Variants in KLF4 observed in about 807,000 individuals in gnomAD.
KLF4 encodes Krueppel-like factor 4.
Under a neutral mutation model 38.0 loss-of-function variants are expected in KLF4, and 14 were observed. The observed-to-expected ratio is 0.37, with a 90% confidence interval of 0.24 to 0.58. KLF4 has a LOEUF of 0.58. Ranked by LOEUF, KLF4 falls within the 20% of genes least tolerant of loss-of-function variation. The probability of loss-of-function intolerance (pLI) is 0.76; values close to 1 mark genes in which losing one functional copy is unlikely to be tolerated. For missense variants in KLF4, 737 were observed against 670.1 expected, an observed-to-expected ratio of 1.10 and a Z score of -1.10; for synonymous variants, 398 against 302.5, an observed-to-expected ratio of 1.32 and a Z score of -3.28.
Position 107,486,902 on chromosome 9 carries a change from G to T in KLF4, c.1264+126C>A. 1.9e-6 allele frequency: 3 copies of T among 1,561,462 alleles called. No homozygotes were observed. The South Asian group carries it at 3.7e-5, about 19-fold the overall frequency. The stretch of plus-strand genomic sequence containing the variant: ...TGGGAAGCCAAGGAGGCACTGAGGA[G>T]TGTCCACTGGTAGCCTATGGGGCTG... On this transcript the variant is annotated intron_variant, in intron 4 of 4. Transcript: ENST00000374672.
chr9:107,488,942 A>T lies in KLF4; in HGVS notation c.114T>A (p.Gly38=), dbSNP rs766906397. The T allele has an allele frequency of 6.4e-7, 1 of 1,556,988 alleles. No homozygotes were observed. Among genetic ancestry groups the T allele is most frequent in the South Asian group, 1.2e-5 (1 of 84,402 alleles). Residue 38 remains glycine, a synonymous_variant, in exon 2 of 5, where the codon GGT becomes GGA. Coordinates refer to ENST00000374672, the MANE Select transcript of KLF4 (RefSeq NM_004235.6). The surrounding 1 kb of genome is among the most constrained non-coding windows in gnomAD (Gnocchi z 5.7). ...GAGCGATACTCACGTTATTCGGGGC[A>T]CCTGCTTGACGCAGTGTCTTCTCCC... ...AGREKTLRQA[G]APNNRWREEL...
rs895565565 is a variant in KLF4, at chr9:107,485,980, C to A, written c.1265-54G>T. The A allele has an allele frequency of 6.5e-7, 1 of 1,549,238 alleles. No individual in the cohort carries two copies. Among genetic ancestry groups the A allele is most frequent in the African/African-American group, 1.4e-5 (1 of 71,824 alleles). ...ACGCTATTGCTATATCAAAGAATCG[C>A]CCCTTTTAAAAACTGAAGGCCAGAT... is the stretch of plus-strand genomic sequence containing the variant. On this transcript the variant is annotated intron_variant, in intron 4 of 4. Transcript: ENST00000374672. This position sits in a 1 kb window ranked among gnomAD's most constrained non-coding sequence, Gnocchi z 4.9.
Position 107,487,223 on chromosome 9 carries a change from T to A in KLF4, c.1100-31A>T. The A allele has an allele frequency of 6.2e-7, 1 of 1,609,378 alleles. No individual in the cohort carries two copies. Among genetic ancestry groups the A allele is most frequent in the Admixed American group, 1.7e-5 (1 of 59,760 alleles). ...GGTGAAGAAGGTGGGGTGAGCATCATCCCGTGTGTCCCGAAGTGGGGCCAG... is the reference window on the plus strand; with the variant it reads ...GGTGAAGAAGGTGGGGTGAGCATCAACCCGTGTGTCCCGAAGTGGGGCCAG... On this transcript the variant is annotated intron_variant, in intron 3 of 4. Transcript: ENST00000374672. This position sits in a 1 kb window ranked among gnomAD's most constrained non-coding sequence, Gnocchi z 6.1.
rs1416976960 is a variant in KLF4, at chr9:107,487,341, G to A, written c.1053C>T (p.Phe351=). 6.4e-7 allele frequency: 1 copy of A among 1,556,458 alleles called. No homozygotes were observed. Among genetic ancestry groups the A allele is most frequent in the East Asian group, 2.3e-5 (1 of 44,324 alleles). The change falls in exon 3 of 5, where the codon TTC becomes TTT. Residue 351 remains phenylalanine, a synonymous_variant. Transcript: ENST00000374672. The surrounding 1 kb of genome is among the most constrained non-coding windows in gnomAD (Gnocchi z 6.1). The part of the protein sequence containing the change: ...HPHPGPNYPS[F]LPDQMQPQVP... ...CTTGCGGCTGCATCTGATCGGGCAG[G>A]AAGGATGGGTAATTGGGCCCCGGGT...
In KLF4 at chr9:107,488,227, G is replaced by A; in HGVS notation, c.167C>T (p.Pro56Leu). 1 of 1,610,718 alleles carries A rather than the reference G, an allele frequency of 6.2e-7. No individual in the cohort carries two copies. Among genetic ancestry groups the A allele is most frequent in the Non-Finnish European group, 8.5e-7 (1 of 1,179,210 alleles). Residue 56 changes from proline to leucine, a missense_variant, in exon 3 of 5, where the codon CCA (proline) becomes CTA (leucine). Coordinates refer to ENST00000374672, the MANE Select transcript of KLF4 (RefSeq NM_004235.6). This position sits in a 1 kb window ranked among gnomAD's most constrained non-coding sequence, Gnocchi z 5.7. ...EELSHMKRLP[P>L]VLPGRPYDLA... ...GTCATAGGGGCGGCCGGGAAGCACT[G>A]GGGGAAGTCGCTTCATGTGGGAGAG... is the stretch of plus-strand genomic sequence containing the variant.
At chr9:107,486,117 T>G (rs1829058846) in intron 4 of KLF4, among the ~76,000 whole-genome samples, 191 bp from the exon 5 acceptor site, 1 of 152,128 alleles carries the variant, frequency 6.6e-6, no homozygotes, top group African/African-American at 2.4e-5. Context: ...GCTTAAGTAT[T>G]TGGTCTTGTT....
rs1587922954 is a variant in KLF4, at chr9:107,488,872, C to T, written c.126+58G>A. 8.5e-6 allele frequency: 13 copies of T among 1,528,498 alleles called. No homozygotes were observed. Among genetic ancestry groups the T allele is most frequent in the Non-Finnish European group, 1.1e-5 (13 of 1,131,914 alleles). The allele number at this position is 1,528,498 out of a possible 1,614,324, so 94.7% of individuals were successfully genotyped here. The stretch of plus-strand genomic sequence containing the variant: ...TTGGTGACCCCAAGGCTCCGCCCGC[C>T]CCCACCACACCCACGAAAACCCACC... On this transcript the variant is annotated intron_variant, in intron 2 of 4. Transcript: ENST00000374672. The surrounding 1 kb of genome is among the most constrained non-coding windows in gnomAD (Gnocchi z 5.7).
chr9:107,489,098 C>T (rs948009962), intron 1 of KLF4, 48 bp from the exon 2 acceptor site: 4 of 1,549,980 alleles, frequency 2.6e-6, no homozygotes, highest in Admixed American at 2.0e-5. Flanking sequence ...GGGCGGCTTT[C>T]GGCCGTCGTT....
In KLF4 at chr9:107,487,458, G is replaced by T; in HGVS notation, c.936C>A (p.Pro312=). The T allele has an allele frequency of 6.5e-7, 1 of 1,534,746 alleles. No homozygotes were observed. The highest frequency in any genetic ancestry group is 1.4e-5 in the African/African-American group (1 of 72,676). The change falls in exon 3 of 5, where the codon CCC becomes CCA. Residue 312 remains proline (P), a synonymous_variant. Transcript: ENST00000374672. The surrounding 1 kb of genome is among the most constrained non-coding windows in gnomAD (Gnocchi z 6.1). ...GACCCAGGGTCGGGGTAGTCCTGCT[G>T]GGGAGCTGCCGCCCCAGGGGGAAGT... The part of the protein sequence containing the change: ...AHDFPLGRQL[P]SRTTPTLGLE...
At position 107,487,682 on chromosome 9, in the gene KLF4, G is replaced by C. The variant is rs200919263; in HGVS notation, c.712C>G (p.Pro238Ala). 2.5e-6 allele frequency: 4 copies of C among 1,605,846 alleles called. No individual in the cohort carries two copies. Among genetic ancestry groups the C allele is most frequent in the Non-Finnish European group, 3.4e-6 (4 of 1,178,592 alleles). The change falls in exon 3 of 5, where the codon CCT (proline) becomes GCT (alanine). Residue 238 changes from proline to alanine, a missense_variant. Pro to Ala is a conservative substitution (Grantham distance 27). Coordinates refer to ENST00000374672, the MANE Select transcript of KLF4 (RefSeq NM_004235.6). This position sits in a 1 kb window ranked among gnomAD's most constrained non-coding sequence, Gnocchi z 6.1. ...KFVLKASLSA[P>A]GSEYGSPSVI... ...GACGGGCTGCCGTACTCGCTGCCAG[G>C]GGCGCTCAGCGACGCCTTCAGCACG...
chr9:107,485,968 A>G lies in KLF4; in HGVS notation c.1265-42T>C. On this transcript the variant is annotated intron_variant, in intron 4 of 4. Transcript: ENST00000374672. The surrounding 1 kb of genome is among the most constrained non-coding windows in gnomAD (Gnocchi z 4.9). ...AAAAAAAAATTGACGCTATTGCTAT[A>G]TCAAAGAATCGCCCCTTTTAAAAAC... 1 of 1,573,540 alleles carries G rather than the reference A, an allele frequency of 6.4e-7. No homozygotes were observed. The highest frequency in any genetic ancestry group is 8.6e-7 in the Non-Finnish European group (1 of 1,160,640).
In KLF4 at chr9:107,488,847, T is replaced by G. The variant is rs897066415; in HGVS notation, c.126+83A>C. 1.3e-6 allele frequency: 2 copies of G among 1,492,738 alleles called. No individual in the cohort carries two copies. Among genetic ancestry groups the G allele is most frequent in the Non-Finnish European group, 9.0e-7 (1 of 1,111,640 alleles). The allele number at this position is 1,492,738 out of a possible 1,614,324, so 92.5% of individuals were successfully genotyped here. A position where few individuals can be genotyped will look rare whatever the true frequency, so the allele number is the denominator to read the frequency against. ...GCTCCTTACCCTCGTTCAGTGGCTC[T>G]TGGTGACCCCAAGGCTCCGCCCGCC... On this transcript the variant is annotated intron_variant, in intron 2 of 4. Coordinates refer to ENST00000374672, the MANE Select transcript of KLF4 (RefSeq NM_004235.6). This position sits in a 1 kb window ranked among gnomAD's most constrained non-coding sequence, Gnocchi z 5.7.
rs1829045602 is a variant in KLF4 at position 107,485,614 on chromosome 9, A to G, written c.*137T>C. The G allele has an allele frequency of 6.1e-6, 5 of 820,258 alleles. No homozygotes were observed. The highest frequency in any genetic ancestry group is 5.8e-5 in the East Asian group (2 of 34,668). The allele number at this position is 820,258 out of a possible 1,614,324, so 50.8% of individuals were successfully genotyped here. On this transcript the variant is annotated 3_prime_UTR_variant, in exon 5 of 5. Transcript: ENST00000374672. The surrounding 1 kb of genome is among the most constrained non-coding windows in gnomAD (Gnocchi z 4.9). ...CATTTTTCCTGATTATCCACTCACAAGATGACTCAGTTGGGAACTTGACCA... is the reference window on the plus strand; with the variant it reads ...CATTTTTCCTGATTATCCACTCACAGGATGACTCAGTTGGGAACTTGACCA...
Position 107,488,152 on chromosome 9 carries a change from G to T in KLF4, c.242C>A (p.Ala81Glu), listed in dbSNP as rs772343125. The T allele has an allele frequency of 5.2e-5, 84 of 1,612,518 alleles. No individual in the cohort carries two copies. The highest frequency in any genetic ancestry group is 7.0e-5 in the Non-Finnish European group (83 of 1,179,894). ...CGCCAGGTTGCTACCGCCGCAAGCC[G>T]CACCGGCTCCGCCGCTCTCCAGGTC... Reference protein sequence around the residue: ...ATDLESGGAGAACGGSNLAPL... With the variant: ...ATDLESGGAGEACGGSNLAPL... Residue 81 changes from alanine (A) to glutamate (E), a missense_variant, in exon 3 of 5, where the codon GCG becomes GAG. Ala to Glu is a moderately radical substitution (Grantham distance 107). Around this residue, in one of 2 missense-constraint regions of KLF4, gnomAD observed 695 missense variants for 554.5 expected, o/e 1.25. Transcript: ENST00000374672. The surrounding 1 kb of genome is among the most constrained non-coding windows in gnomAD (Gnocchi z 5.7).
chr9:107,488,721 G>A lies in KLF4; in HGVS notation c.126+209C>T, dbSNP rs1829135663. Among the ~76,000 whole-genome samples, 1 of 152,156 alleles carries A rather than the reference G, an allele frequency of 6.6e-6. No individual in the cohort carries two copies. The highest frequency in any genetic ancestry group is 1.5e-5 in the Non-Finnish European group (1 of 68,022). ...CCGGGGACTGGTGAAGACCCGGCTT[G>A]CGCCCCAGGCGGCTCCGCAGTGCTC... On this transcript the variant is annotated intron_variant, in intron 2 of 4. Transcript: ENST00000374672. The surrounding 1 kb of genome is among the most constrained non-coding windows in gnomAD (Gnocchi z 5.7).
At chr9:107,486,977 C>T (rs764971962) in intron 4 of KLF4, 51 bp downstream of exon 4, 14 of 1,613,524 alleles carry the variant, frequency 8.7e-6, no homozygotes, top group Non-Finnish European at 1.2e-5. Flanking sequence ...CCACTGGTAG[C>T]CTATGGGGCT....
Position 107,487,707 on chromosome 9 carries a change from G to T in KLF4, c.687C>A (p.Phe229Leu). The stretch of plus-strand genomic sequence containing the variant: ...GGGCGCTCAGCGACGCCTTCAGCAC[G>T]AACTTGCCCATCAGCCCGCCACCTG... ...QPPGGGLMGK[F>L]VLKASLSAPG... Residue 229 changes from phenylalanine (F) to leucine (L), a missense_variant, in exon 3 of 5, where the codon TTC (phenylalanine) becomes TTA (leucine). This residue lies in a region of KLF4 where 695 missense variants were observed against 554.5 expected (regional missense o/e 1.25). Coordinates refer to ENST00000374672, the MANE Select transcript of KLF4 (RefSeq NM_004235.6). This position sits in a 1 kb window ranked among gnomAD's most constrained non-coding sequence, Gnocchi z 6.1. 3 of 1,604,508 alleles carry T rather than the reference G, an allele frequency of 1.9e-6. No individual in the cohort carries two copies. Among genetic ancestry groups the T allele is most frequent in the Non-Finnish European group, 2.5e-6 (3 of 1,177,112 alleles).
Position 107,487,231 on chromosome 9 carries a change from G to A in KLF4, c.1100-39C>T, listed in dbSNP as rs753618665. On this transcript the variant is annotated intron_variant, in intron 3 of 4. Coordinates refer to ENST00000374672, the MANE Select transcript of KLF4 (RefSeq NM_004235.6). This position sits in a 1 kb window ranked among gnomAD's most constrained non-coding sequence, Gnocchi z 6.1. ...AGGTGGGGTGAGCATCATCCCGTGT[G>A]TCCCGAAGTGGGGCCAGCACACACA... 6.2e-7 allele frequency: 1 copy of A among 1,607,702 alleles called. No individual in the cohort carries two copies. Among genetic ancestry groups the A allele is most frequent in the Non-Finnish European group, 8.5e-7 (1 of 1,176,374 alleles).
In KLF4 at chr9:107,488,864, C is replaced by A; in HGVS notation, c.126+66G>T. 6.6e-7 allele frequency: 1 copy of A among 1,520,040 alleles called. No homozygotes were observed. Among genetic ancestry groups the A allele is most frequent in the South Asian group, 1.2e-5 (1 of 80,328 alleles). The allele number at this position is 1,520,040 out of a possible 1,614,324, so 94.2% of individuals were successfully genotyped here. A position where few individuals can be genotyped will look rare whatever the true frequency, so the allele number is the denominator to read the frequency against. ...AGTGGCTCTTGGTGACCCCAAGGCT[C>A]CGCCCGCCCCCACCACACCCACGAA... On this transcript the variant is annotated intron_variant, in intron 2 of 4. Coordinates refer to ENST00000374672, the MANE Select transcript of KLF4 (RefSeq NM_004235.6). The surrounding 1 kb of genome is among the most constrained non-coding windows in gnomAD (Gnocchi z 5.7).
Sources: gnomAD v4.1 joint callset for allele counts (sites outside exome capture counted in the v4.1 genomes callset) on GRCh38, gnomAD v4.1.1 for gene constraint, gnomAD v4.1.1 regional missense constraint, Gnocchi (gnomAD v3.1) non-coding constraint, MANE v1.5 for transcripts, NCBI Gene and HGNC (gene_info 2026-07-23, HGNC 2026-07-21) for gene names.